Variants in GNAI3 observed in about 807,000 individuals in gnomAD.
GNAI3 encodes G protein subunit alpha i3.
GNAI3 carries 12 observed loss-of-function variants against 41.8 expected under a neutral mutation model. The ratio of observed to expected loss-of-function variants is 0.29; its 90% CI spans 0.18 to 0.47. GNAI3 has a LOEUF of 0.47. Ranked by LOEUF, GNAI3 falls within the 20% of genes least tolerant of loss-of-function variation. The probability of loss-of-function intolerance (pLI) is 1.00; values close to 1 mark genes in which losing one functional copy is unlikely to be tolerated. For synonymous variants in GNAI3, 132 were observed against 146.5 expected, an observed-to-expected ratio of 0.90 and a Z score of 0.71; for missense variants, 360 against 429.6, an observed-to-expected ratio of 0.84 and a Z score of 1.43.
intron 1 of GNAI3, among the ~76,000 whole-genome samples, chr1:109,563,039 C>T (rs745953190): frequency 3.3e-5 from 5 of 152,080 alleles, no homozygotes; most frequent in Admixed American, 6.6e-5. Flanking sequence ...TTAATGTTAG[C>T]ATCAAAATGG....
chr1:109,567,130 A>G lies in GNAI3; in HGVS notation c.119-6607A>G, dbSNP rs1162912126. On this transcript the variant is annotated intron_variant, in intron 1 of 8. Coordinates refer to ENST00000369851, the MANE Select transcript of GNAI3 (RefSeq NM_006496.4). Reference sequence around the variant, plus strand: ...GGGGCTGTCTGTGCCTATTCTAGTCATATGTTCCTATATGTCTGATAATGG... The same window carrying G: ...GGGGCTGTCTGTGCCTATTCTAGTCGTATGTTCCTATATGTCTGATAATGG... Among the ~76,000 whole-genome samples the G allele has an allele frequency of 3.9e-5, 6 of 152,144 alleles. No individual in the cohort carries two copies. The East Asian group carries it at 9.6e-4, about 24-fold the overall frequency.
rs1390392635 is a variant in GNAI3 at position 109,596,487 on chromosome 1, G to C, written c.*4165G>C. 6.6e-6 allele frequency: 1 copy of C among 152,368 alleles called. No individual in the cohort carries two copies. The highest frequency in any genetic ancestry group is 1.5e-5 in the Non-Finnish European group (1 of 68,182). 9.4% of individuals were successfully genotyped at this position (152,368 alleles called of 1,614,324 possible). A position where few individuals can be genotyped will look rare whatever the true frequency, so the allele number is the denominator to read the frequency against. Reference sequence around the variant, plus strand: ...TTGTGCCTCAGCCTCCCAAGTAGCTGTGATTACAGGCATGTGCCACCACAT... The same window carrying C: ...TTGTGCCTCAGCCTCCCAAGTAGCTCTGATTACAGGCATGTGCCACCACAT... On this transcript the variant is annotated 3_prime_UTR_variant, in exon 9 of 9. Coordinates refer to ENST00000369851, the MANE Select transcript of GNAI3 (RefSeq NM_006496.4).
chr1:109,580,034 C>G, intron 4 of GNAI3, among the ~76,000 whole-genome samples: 1 of 152,212 alleles, frequency 6.6e-6, no homozygotes, highest in East Asian at 1.9e-4. Flanking sequence ...CGGAGTCTCG[C>G]TCTGTCGCCC....
rs1649186724 is a variant in GNAI3 at position 109,592,057 on chromosome 1, G to A, written c.889G>A (p.Glu297Lys). Residue 297 changes from glutamate (E) to lysine (K), a missense_variant, in exon 8 of 9, where the codon GAA (glutamate) becomes AAA (lysine). Glu to Lys is a moderately conservative substitution (Grantham distance 56, BLOSUM62 1). Transcript: ENST00000369851. The part of the protein sequence containing the change: ...YPEYTGSNTY[E>K]EAAAYIQCQF... ...GTCCGTTTTAGGTTCCAATACATAT[G>A]AAGAGGCAGCTGCCTATATTCAATG... 6.2e-7 allele frequency: 1 copy of A among 1,609,106 alleles called. No homozygotes were observed. Among genetic ancestry groups the A allele is most frequent in the African/African-American group, 1.3e-5 (1 of 74,770 alleles).
At chr1:109,574,262 A>G (rs1007959629) in intron 3 of GNAI3, among the ~76,000 whole-genome samples, 5 of 151,620 alleles carry the variant, frequency 3.3e-5, no homozygotes, top group African/African-American at 1.2e-4. Context: ...GGTGCACGGT[A>G]GGTTTCTGGG....
Position 109,592,501 on chromosome 1 carries a change from C to T in GNAI3, c.*179C>T. The T allele has an allele frequency of 7.3e-6, 2 of 274,688 alleles. No homozygotes were observed. Among genetic ancestry groups the T allele is most frequent in the Non-Finnish European group, 1.4e-5 (2 of 145,632 alleles). The allele number at this position is 274,688 out of a possible 1,614,324, so 17.0% of individuals were successfully genotyped here. A position where few individuals can be genotyped will look rare whatever the true frequency, so the allele number is the denominator to read the frequency against. ...GGGAACTTTTAATTGACATGAGATG[C>T]TAAAGTCAGACATTGGAATTGGAAG... On this transcript the variant is annotated 3_prime_UTR_variant, in exon 9 of 9. Transcript: ENST00000369851.
chr1:109,590,065 C>T (rs896417898), intron 7 of GNAI3, among the ~76,000 whole-genome samples: 3 of 152,232 alleles, frequency 2.0e-5, no homozygotes, highest in African/African-American at 7.2e-5. Flanking sequence ...CAAATAAGTG[C>T]AGATATGTAA....
chr1:109,578,622 T>C (rs1479229749), intron 3 of GNAI3, among the ~76,000 whole-genome samples: 4 of 152,174 alleles, frequency 2.6e-5, no homozygotes, highest in African/African-American at 9.7e-5. Context: ...ATCTAGGGAC[T>C]GTTTGAATCT....
At chr1:109,564,032 T>C (rs1428733880) in intron 1 of GNAI3, among the ~76,000 whole-genome samples, 1 of 146,490 alleles carries the variant, frequency 6.8e-6, no homozygotes, top group Non-Finnish European at 1.5e-5. Flanking sequence ...TTCCATTCAG[T>C]TTTTGTGTGT....
At chr1:109,585,472 T>G (rs1206575261) in intron 5 of GNAI3, among the ~76,000 whole-genome samples, 1 of 152,216 alleles carries the variant, frequency 6.6e-6, no homozygotes, top group African/African-American at 2.4e-5. Flanking sequence ...TTTTAGTTAT[T>G]GGGTTCATAG....
intron 3 of GNAI3, among the ~76,000 whole-genome samples, chr1:109,576,131 C>T (rs1457435493): frequency 6.6e-6 from 1 of 151,464 alleles, no homozygotes; most frequent in African/African-American, 2.4e-5. Context: ...TGTAACGGTA[C>T]GATTTTGGCT....
At chr1:109,566,176 G>T (rs1648448181) in intron 1 of GNAI3, among the ~76,000 whole-genome samples, 1 of 152,198 alleles carries the variant, frequency 6.6e-6, no homozygotes, top group South Asian at 2.1e-4. Context: ...GAGGGCTTCA[G>T]CAAGGAGTTG....
At chr1:109,567,971 G>GTTT (rs35770839) in intron 1 of GNAI3, among the ~76,000 whole-genome samples, 1 of 139,570 alleles carries the variant, frequency 7.2e-6, no homozygotes, top group Non-Finnish European at 1.6e-5. Flanking sequence ...AGGGGATAGT[G>GTTT]TTTTTTTTTT....
In GNAI3 at chr1:109,596,825, C is replaced by A. The variant is rs1176171683; in HGVS notation, c.*4503C>A. The A allele has an allele frequency of 6.6e-6, 1 of 152,182 alleles. No homozygotes were observed. Among genetic ancestry groups the A allele is most frequent in the African/African-American group, 2.4e-5 (1 of 41,428 alleles). The allele number at this position is 152,182 out of a possible 1,614,324, so 9.4% of individuals were successfully genotyped here. ...CCCTAGTAAATTAAAATGTCTGAGC[C>A]AGGTCATGGGAATATACATGTTTTT... On this transcript the variant is annotated 3_prime_UTR_variant, in exon 9 of 9. Transcript: ENST00000369851.
rs756166163 is a variant in GNAI3, at chr1:109,573,991, G to A, written c.257G>A (p.Arg86Lys). 1.2e-6 allele frequency: 2 copies of A among 1,611,494 alleles called. No individual in the cohort carries two copies. The highest frequency in any genetic ancestry group is 1.7e-6 in the Non-Finnish European group (2 of 1,177,854). Residue 86 changes from arginine (R) to lysine (K), a missense_variant, in exon 3 of 9, where the codon AGA (arginine) becomes AAA (lysine). By Grantham distance (26) the Arg-to-Lys change is conservative (BLOSUM62 2). Transcript: ENST00000369851. ...ATACAGTCCATCATTGCAATCATAA[G>A]AGCCATGGGACGGCTAAAGATTGAC... ...NTIQSIIAII[R>K]AMGRLKIDFG...
At chr1:109,568,986 C>T (rs1033598968) in intron 1 of GNAI3, among the ~76,000 whole-genome samples, 8 of 152,182 alleles carry the variant, frequency 5.3e-5, no homozygotes, top group African/African-American at 1.9e-4. Flanking sequence ...ACCAACCATT[C>T]CCTGTCCCCA....
At chr1:109,556,432 A>G (rs1379920918) in intron 1 of GNAI3, among the ~76,000 whole-genome samples, 1 of 152,220 alleles carries the variant, frequency 6.6e-6, no homozygotes, top group South Asian at 2.1e-4. Context: ...CAAAAATGGA[A>G]TGTTCAAAAC....
intron 1 of GNAI3, among the ~76,000 whole-genome samples, chr1:109,552,756 T>C (rs1323354154): frequency 1.3e-5 from 2 of 151,642 alleles, no homozygotes; most frequent in Non-Finnish European, 2.9e-5. Context: ...AGCAAGAAAA[T>C]TTTTTTTCAC....
chr1:109,550,700 ATTT>A (rs1343467302), intron 1 of GNAI3, among the ~76,000 whole-genome samples: 1 of 151,948 alleles, frequency 6.6e-6, no homozygotes, highest in Non-Finnish European at 1.5e-5. Context: ...CGCCTGGCTA[ATTT>A]TTTGTATTTT....
Sources: gnomAD v4.1 joint callset for allele counts (sites outside exome capture counted in the v4.1 genomes callset) on GRCh38, gnomAD v4.1.1 for gene constraint, MANE v1.5 for transcripts, NCBI Gene and HGNC (gene_info 2026-07-23, HGNC 2026-07-21) for gene names.